Variants in MAP2K1 observed in about 807,000 individuals in gnomAD.
MAP2K1 encodes mitogen-activated protein kinase kinase 1.
Under a neutral mutation model 46.3 loss-of-function variants are expected in MAP2K1, and 16 were observed. The ratio of observed to expected loss-of-function variants is 0.35; its 90% CI spans 0.23 to 0.52. The LOEUF (loss-of-function observed/expected upper bound fraction) is 0.52. Ranked by LOEUF, MAP2K1 falls within the 20% of genes least tolerant of loss-of-function variation. MAP2K1 has a pLI of 0.94. For synonymous variants in MAP2K1, 183 were observed against 185.6 expected (o/e 0.99, Z 0.11); for missense variants, 263 against 497.1 (o/e 0.53, Z 4.48).
At chr15:66,413,894 ATTTTT>A (rs1438608761) in intron 1 of MAP2K1, among the ~76,000 whole-genome samples, 6 of 71,918 alleles carry the variant, frequency 8.3e-5, no homozygotes, top group Admixed American at 2.8e-4. Context: ...TTTTGTTCTT[ATTTTT>A]TTCTTCTTCT....
chr15:66,475,659 A>G (rs1471752099), intron 5 of MAP2K1, among the ~76,000 whole-genome samples: 3 of 152,188 alleles, frequency 2.0e-5, no homozygotes, highest in Non-Finnish European at 4.4e-5. Flanking sequence ...ACCTTGGTTC[A>G]TCTACCTGCC....
At chr15:66,427,356 G>A (rs1365965308) in intron 1 of MAP2K1, among the ~76,000 whole-genome samples, 1 of 151,940 alleles carries the variant, frequency 6.6e-6, no homozygotes, top group African/African-American at 2.4e-5. Context: ...TCAGGAGATC[G>A]AGACCATCCT....
At chr15:66,434,338 C>T (rs1308145040) in intron 1 of MAP2K1, among the ~76,000 whole-genome samples, 1 of 152,148 alleles carries the variant, frequency 6.6e-6, no homozygotes, top group Non-Finnish European at 1.5e-5. Flanking sequence ...AAATTGTCGA[C>T]AATGTATTAT....
intron 1 of MAP2K1, among the ~76,000 whole-genome samples, chr15:66,414,749 T>C (rs1283365323): frequency 1.3e-5 from 2 of 151,850 alleles, no homozygotes; most frequent in African/African-American, 2.4e-5. Flanking sequence ...ACATGATTGG[T>C]CTTTCTGGTA....
chr15:66,406,242 T>C (rs745796), intron 1 of MAP2K1, among the ~76,000 whole-genome samples: 17,999 of 152,304 alleles, frequency 0.12, 1,175 homozygotes, highest in Non-Finnish European at 0.15. Context: ...GTCTGAATTA[T>C]ATTGCTGGTA....
At chr15:66,459,243 T>A (rs1215138734) in intron 5 of MAP2K1, among the ~76,000 whole-genome samples, 1 of 140,538 alleles carries the variant, frequency 7.1e-6, no homozygotes. Context: ...AACCCGGGAG[T>A]CTGAGGTTGC....
chr15:66,402,120 A>C (rs2093383279), intron 1 of MAP2K1, among the ~76,000 whole-genome samples: 1 of 152,230 alleles, frequency 6.6e-6, no homozygotes, highest in Non-Finnish European at 1.5e-5. Context: ...GTAATGTATT[A>C]AGAAAAAATA....
chr15:66,479,178 C>T (rs1376718175), intron 5 of MAP2K1, among the ~76,000 whole-genome samples: 2 of 151,904 alleles, frequency 1.3e-5, no homozygotes, highest in African/African-American at 4.8e-5. Context: ...CTCACTGCAA[C>T]CTCTGCTTCC....
At chr15:66,466,274 C>G (rs1892462883) in intron 5 of MAP2K1, among the ~76,000 whole-genome samples, 1 of 152,190 alleles carries the variant, frequency 6.6e-6, no homozygotes, top group Non-Finnish European at 1.5e-5. Context: ...ATGCAGATAA[C>G]TATATTGCCG....
intron 1 of MAP2K1, among the ~76,000 whole-genome samples, chr15:66,390,376 A>C (rs1319489260): frequency 6.6e-6 from 1 of 152,184 alleles, no homozygotes; most frequent in East Asian, 1.9e-4. Flanking sequence ...CTGTGATTAG[A>C]CCAGGGCACA....
chr15:66,454,556 G>A (rs2140621984), intron 5 of MAP2K1, among the ~76,000 whole-genome samples: 1 of 152,298 alleles, frequency 6.6e-6, no homozygotes, highest in East Asian at 1.9e-4. Flanking sequence ...ACAGAAACCA[G>A]CCTGACTTGG....
chr15:66,409,560 A>C (rs1327729646), intron 1 of MAP2K1, among the ~76,000 whole-genome samples: 1 of 152,214 alleles, frequency 6.6e-6, no homozygotes, highest in Non-Finnish European at 1.5e-5. Context: ...AGGATAGGAC[A>C]GATGGCCACA....
chr15:66,461,711 G>A (rs1892327126), intron 5 of MAP2K1, among the ~76,000 whole-genome samples: 1 of 152,036 alleles, frequency 6.6e-6, no homozygotes, highest in African/African-American at 2.4e-5. Context: ...ATTAGGTGGT[G>A]GTAACAGGCA....
At chr15:66,413,773 G>C (rs2093417307) in intron 1 of MAP2K1, among the ~76,000 whole-genome samples, 1 of 152,204 alleles carries the variant, frequency 6.6e-6, no homozygotes, top group Non-Finnish European at 1.5e-5. Flanking sequence ...GTGTGATACA[G>C]CACAGGCTAT....
intron 1 of MAP2K1, among the ~76,000 whole-genome samples, chr15:66,401,563 AT>A (rs1171329883): frequency 6.6e-6 from 1 of 152,210 alleles, no homozygotes; most frequent in African/African-American, 2.4e-5. Flanking sequence ...GATGAGTAAC[AT>A]TATCTCAGCC....
At chr15:66,429,193 G>A (rs12906411) in intron 1 of MAP2K1, among the ~76,000 whole-genome samples, 8,554 of 152,152 alleles carry the variant, frequency 0.056, 343 homozygotes, top group Middle Eastern at 0.11. Flanking sequence ...ATTGAATTAC[G>A]GTTCTTTATG....
chr15:66,406,183 T>C (rs967414088), intron 1 of MAP2K1, among the ~76,000 whole-genome samples: 3 of 152,168 alleles, frequency 2.0e-5, no homozygotes, highest in Admixed American at 2.0e-4. Flanking sequence ...TTTGCTGAAA[T>C]GGAAAAAGAT....
chr15:66,445,960 A>T (rs2140605065), intron 5 of MAP2K1, among the ~76,000 whole-genome samples: 1 of 152,064 alleles, frequency 6.6e-6, no homozygotes, highest in Middle Eastern at 3.4e-3. Flanking sequence ...ACGGTGGCTC[A>T]TGCCTGTAAT....
At chr15:66,438,529 T>C (rs1211472553) in intron 3 of MAP2K1, among the ~76,000 whole-genome samples, 6 of 152,214 alleles carry the variant, frequency 3.9e-5, no homozygotes, top group African/African-American at 7.2e-5. Flanking sequence ...TGATCACATC[T>C]CTTGTGCCCT....
Sources: allele counts gnomAD v4.1 joint callset (sites outside exome capture counted in the v4.1 genomes callset), GRCh38; gene constraint gnomAD v4.1.1; transcripts MANE v1.5; gene names NCBI Gene and HGNC (gene_info 2026-07-23, HGNC 2026-07-21).